Variants in PCDHGB3 observed in about 807,000 individuals in gnomAD.
PCDHGB3 encodes protocadherin gamma subfamily B, 3, also known as protocadherin gamma-B3.
PCDHGB3 carries 40 observed loss-of-function variants against 59.2 expected under a neutral mutation model. That is an observed-to-expected ratio of 0.68 (90% confidence interval 0.52 to 0.88). The LOEUF is 0.88. PCDHGB3 is among the 40% of genes least tolerant of loss of function. The probability of loss-of-function intolerance (pLI) is 0.00; values close to 1 mark genes in which losing one functional copy is unlikely to be tolerated. For synonymous variants in PCDHGB3, 581 were observed against 503.6 expected, an observed-to-expected ratio of 1.15 and a Z score of -2.06; for missense variants, 1,309 against 1,187.9, an observed-to-expected ratio of 1.10 and a Z score of -1.50.
chr5:141,436,393 A>G (rs560164691), intron 1 of PCDHGB3, among the ~76,000 whole-genome samples: 2 of 152,342 alleles, frequency 1.3e-5, no homozygotes, highest in South Asian at 4.1e-4. Context: ...GCTTTATTAA[A>G]TAGTTGTTGA....
chr5:141,374,476 C>A, intron 1 of PCDHGB3: 3 of 1,612,124 alleles, frequency 1.9e-6, no homozygotes, highest in Non-Finnish European at 1.7e-6. Context: ...ACAATACACC[C>A]CGATTCTTAA....
In PCDHGB3 at chr5:141,510,929, C is replaced by T. The variant is rs1238694958; in HGVS notation, c.2564-18C>T. The T allele has an allele frequency of 3.1e-6, 5 of 1,613,988 alleles. No homozygotes were observed. The highest frequency in any genetic ancestry group is 4.2e-6 in the Non-Finnish European group (5 of 1,179,988). On this transcript the variant is annotated intron_variant, in intron 3 of 3. Coordinates refer to ENST00000576222, the MANE Select transcript of PCDHGB3 (RefSeq NM_018924.5). ...ACCCTAAGTTTAGCTCCCACCTGAT[C>T]TTCCTCTGTCTCTGCAGAAGCTGCT...
chr5:141,509,320 C>T (rs1261653347), intron 3 of PCDHGB3, among the ~76,000 whole-genome samples: 2 of 152,194 alleles, frequency 1.3e-5, no homozygotes, highest in East Asian at 3.8e-4. Flanking sequence ...GGGAGAGAAG[C>T]TCTACTGCCA....
rs200568923 is a variant in PCDHGB3 at position 141,413,794 on chromosome 5, G to A, written c.2415+40985G>A. On this transcript the variant is annotated intron_variant, in intron 1 of 3. Coordinates refer to ENST00000576222, the MANE Select transcript of PCDHGB3 (RefSeq NM_018924.5). The stretch of plus-strand genomic sequence containing the variant: ...GGTACTGGAGCACTCCCTAGATCGC[G>A]AGGAAGAGGCCATTCACCACCTGGT... 6.7e-5 allele frequency: 108 copies of A among 1,613,050 alleles called. No individual in the cohort carries two copies. Among genetic ancestry groups the A allele is most frequent in the Admixed American group, 8.3e-5 (5 of 59,990 alleles).
chr5:141,464,180 G>T (rs1251683320), intron 1 of PCDHGB3, among the ~76,000 whole-genome samples: 1 of 151,340 alleles, frequency 6.6e-6, no homozygotes, highest in Non-Finnish European at 1.5e-5. Flanking sequence ...CAGGAGAATT[G>T]CTTGATTTCA....
chr5:141,404,227 A>G, intron 1 of PCDHGB3: 3 of 1,613,818 alleles, frequency 1.9e-6, no homozygotes, highest in East Asian at 2.2e-5. Context: ...TGACTGCAAC[A>G]GACAGAGGAA....
chr5:141,497,832 G>C (rs1326640712), intron 2 of PCDHGB3, among the ~76,000 whole-genome samples: 1 of 151,992 alleles, frequency 6.6e-6, no homozygotes, highest in East Asian at 1.9e-4. Context: ...GATCGCCCCC[G>C]GCCACAACAA....
intron 1 of PCDHGB3, among the ~76,000 whole-genome samples, chr5:141,460,983 GTATATA>G (rs59296681): frequency 0.23 from 32,081 of 137,558 alleles, 4,351 homozygotes; most frequent in African/African-American, 0.39. Context: ...GTGTGTGTGT[GTATATA>G]TATATATGTG....
Position 141,371,661 on chromosome 5 carries a change from A to G in PCDHGB3, c.1267A>G (p.Thr423Ala), listed in dbSNP as rs1767926487. ...EQIPEYNVTI[T>A]ATDKGNPPLS... is the part of the protein sequence containing the mutation. ...GATCCCAGAATACAATGTGACGATCACAGCTACCGACAAAGGCAATCCACC... is the reference window on the plus strand; with the variant it reads ...GATCCCAGAATACAATGTGACGATCGCAGCTACCGACAAAGGCAATCCACC... Residue 423 changes from threonine (T) to alanine (A), a missense_variant, in exon 1 of 4, where the codon ACA becomes GCA. Coordinates refer to ENST00000576222, the MANE Select transcript of PCDHGB3 (RefSeq NM_018924.5). The G allele has an allele frequency of 1.2e-6, 2 of 1,614,044 alleles. No individual in the cohort carries two copies. The highest frequency in any genetic ancestry group is 1.7e-5 in the Admixed American group (1 of 60,032).
At chr5:141,383,028 CT>C (rs1561593940) in intron 1 of PCDHGB3, 2 of 1,613,814 alleles carry the variant, frequency 1.2e-6, no homozygotes, top group Non-Finnish European at 1.7e-6. Context: ...ACAAAGGGTC[CT>C]TTGTGGGAGA....
At chr5:141,445,964 T>C (rs1199096510) in intron 1 of PCDHGB3, among the ~76,000 whole-genome samples, 2 of 152,280 alleles carry the variant, frequency 1.3e-5, no homozygotes, top group South Asian at 4.1e-4. Context: ...ATATGGAGAA[T>C]TGATTTATGA....
In PCDHGB3 at chr5:141,493,211, G is replaced by C. The variant is rs1312763933; in HGVS notation, c.2416-1596G>C. Reference sequence around the variant, plus strand: ...CTCCTTTGAGAACCTCATCTCATTTGCTCTTCCCACCATTGCTGTTGGCTA... The same window carrying C: ...CTCCTTTGAGAACCTCATCTCATTTCCTCTTCCCACCATTGCTGTTGGCTA... On this transcript the variant is annotated intron_variant, in intron 1 of 3. Transcript: ENST00000576222. The surrounding 1 kb of genome is among the most constrained non-coding windows in gnomAD (Gnocchi z 4.3). 6.6e-6 allele frequency among the ~76,000 whole-genome samples: 1 copy of C among 152,180 alleles called. No individual in the cohort carries two copies. The highest frequency in any genetic ancestry group is 2.4e-5 in the African/African-American group (1 of 41,436).
At position 141,487,681 on chromosome 5, in the gene PCDHGB3, T is replaced by C. The variant is rs754032560; in HGVS notation, c.2416-7126T>C. The stretch of plus-strand genomic sequence containing the variant: ...CTGATCCAGGCATATGGCTAGGCCA[T>C]GTCCTAGAGAGTACTGGCCTCTCAG... On this transcript the variant is annotated intron_variant, in intron 1 of 3. Coordinates refer to ENST00000576222, the MANE Select transcript of PCDHGB3 (RefSeq NM_018924.5). The surrounding 1 kb of genome is among the most constrained non-coding windows in gnomAD (Gnocchi z 5.0). 1.1e-5 allele frequency: 18 copies of C among 1,608,852 alleles called. No individual in the cohort carries two copies. The highest frequency in any genetic ancestry group is 4.5e-5 in the East Asian group (2 of 44,816).
At chr5:141,460,864 A>C (rs1220160866) in intron 1 of PCDHGB3, among the ~76,000 whole-genome samples, 1 of 151,800 alleles carries the variant, frequency 6.6e-6, no homozygotes, top group East Asian at 1.9e-4. Flanking sequence ...AAGTTGCTGC[A>C]AAGGACATTA....
At position 141,431,211 on chromosome 5, in the gene PCDHGB3, G is replaced by C. The variant is rs1054638121; in HGVS notation, c.2415+58402G>C. Reference sequence around the variant, plus strand: ...AGTGAAAATGCAGCCACTGAGATGCGGTTCCCTCTACCCCACGCCTGGGAT... The same window carrying C: ...AGTGAAAATGCAGCCACTGAGATGCCGTTCCCTCTACCCCACGCCTGGGAT... On this transcript the variant is annotated intron_variant, in intron 1 of 3. Coordinates refer to ENST00000576222, the MANE Select transcript of PCDHGB3 (RefSeq NM_018924.5). This position sits in a 1 kb window ranked among gnomAD's most constrained non-coding sequence, Gnocchi z 4.8. 1.2e-6 allele frequency: 2 copies of C among 1,614,122 alleles called. No individual in the cohort carries two copies. Among genetic ancestry groups the C allele is most frequent in the Non-Finnish European group, 1.7e-6 (2 of 1,180,036 alleles).
rs146372628 is a variant in PCDHGB3, at chr5:141,476,246, G to A, written c.2416-18561G>A. On this transcript the variant is annotated intron_variant, in intron 1 of 3. Coordinates refer to ENST00000576222, the MANE Select transcript of PCDHGB3 (RefSeq NM_018924.5). The surrounding 1 kb of genome is among the most constrained non-coding windows in gnomAD (Gnocchi z 7.6). ...TGAGATCCCGGAGGAAAGAGAGAAG[G>A]GTTTCGCTGTGGGCAACGTGGTCGC... 1.0e-3 allele frequency: 1,689 copies of A among 1,613,996 alleles called. 1 individual carries two copies. Among genetic ancestry groups the A allele is most frequent in the Non-Finnish European group, 1.3e-3 (1,557 of 1,180,008 alleles).
chr5:141,383,204 G>A lies in PCDHGB3; in HGVS notation c.2415+10395G>A, dbSNP rs372087170. 3 of 1,613,922 alleles carry A rather than the reference G, an allele frequency of 1.9e-6. No individual in the cohort carries two copies. In the African/African-American group the frequency reaches 4.0e-5, roughly 22 times the overall value. On this transcript the variant is annotated intron_variant, in intron 1 of 3. Coordinates refer to ENST00000576222, the MANE Select transcript of PCDHGB3 (RefSeq NM_018924.5). ...GAGATCTGCGCTCAGAGTGCGCGGTGTCTGGTAAACTTTAACATCCTGATG... is the reference window on the plus strand; with the variant it reads ...GAGATCTGCGCTCAGAGTGCGCGGTATCTGGTAAACTTTAACATCCTGATG...
At chr5:141,394,277 T>C (rs1209758237) in intron 1 of PCDHGB3, 1 of 1,613,946 alleles carries the variant, frequency 6.2e-7, no homozygotes, top group South Asian at 1.1e-5. Flanking sequence ...CCCAGGTCAC[T>C]TACTCTGTGA....
At chr5:141,385,542 A>G in intron 1 of PCDHGB3, 1 of 1,327,542 alleles carries the variant, frequency 7.5e-7, no homozygotes. Context: ...GAATATGTGG[A>G]CTATCACATT....
Sources: allele counts gnomAD v4.1 joint callset (sites outside exome capture counted in the v4.1 genomes callset), GRCh38; gene constraint gnomAD v4.1.1; non-coding constraint Gnocchi (gnomAD v3.1); transcripts MANE v1.5; gene names NCBI Gene and HGNC (gene_info 2026-07-23, HGNC 2026-07-21).